GKAP1: variants seen among roughly 807,000 people sequenced by gnomAD.
GKAP1 encodes G kinase-anchoring protein 1.
Under a neutral mutation model 56.7 loss-of-function variants are expected in GKAP1, and 31 were observed. The observed-to-expected ratio is 0.55, with a 90% CI of 0.41 to 0.74. The LOEUF is 0.74. Among genes scored for constraint, GKAP1 ranks in the 30% least tolerant of loss-of-function variants. The pLI is 0.00. For missense variants in GKAP1, 364 were observed against 402.3 expected, an observed-to-expected ratio of 0.90 and a Z score of 0.82; for synonymous variants, 151 against 138.6, an observed-to-expected ratio of 1.09 and a Z score of -0.63.
chr9:83,755,193 T>G (rs1299223789), intron 8 of GKAP1, among the ~76,000 whole-genome samples: 1 of 152,194 alleles, frequency 6.6e-6, no homozygotes, highest in Non-Finnish European at 1.5e-5. Flanking sequence ...CTATGAAAAG[T>G]GTTCATTGTA....
At chr9:83,810,981 G>T (rs557632743) in intron 2 of GKAP1, among the ~76,000 whole-genome samples, 2 of 152,148 alleles carry the variant, frequency 1.3e-5, no homozygotes, top group Non-Finnish European at 2.9e-5. Flanking sequence ...GGAGGCAACT[G>T]TAACACAATG....
chr9:83,804,033 GAAGT>G (rs1944381798), intron 3 of GKAP1, among the ~76,000 whole-genome samples: 2 of 151,100 alleles, frequency 1.3e-5, no homozygotes, highest in African/African-American at 4.9e-5. Context: ...CCCCGTCTGA[GAAGT>G]AAGGAGCCCC....
intron 5 of GKAP1, among the ~76,000 whole-genome samples, chr9:83,787,203 C>T (rs985562267): frequency 8.6e-5 from 13 of 152,032 alleles, no homozygotes; most frequent in Admixed American, 7.2e-4. Context: ...TTTCCTTTTC[C>T]CTTGAACTAT....
At chr9:83,814,501 T>C (rs1469193213) in intron 2 of GKAP1, among the ~76,000 whole-genome samples, 1 of 152,204 alleles carries the variant, frequency 6.6e-6, no homozygotes, top group Non-Finnish European at 1.5e-5. Context: ...CTTACTATTA[T>C]TGAATGGACT....
intron 6 of GKAP1, among the ~76,000 whole-genome samples, chr9:83,781,734 T>A (rs2131289041): frequency 6.6e-6 from 1 of 152,300 alleles, no homozygotes; most frequent in East Asian, 1.9e-4. Context: ...AATAACATAC[T>A]GATGTTTTTC....
intron 3 of GKAP1, 46 bp from the exon 4 acceptor site, chr9:83,799,374 G>A (rs766951282): frequency 7.6e-7 from 1 of 1,323,344 alleles, no homozygotes; most frequent in Admixed American, 2.5e-5. Flanking sequence ...TACCAATCCT[G>A]GGATACTAAT....
intron 8 of GKAP1, among the ~76,000 whole-genome samples, chr9:83,767,797 G>A (rs1280074484): frequency 1.3e-5 from 2 of 152,068 alleles, no homozygotes; most frequent in African/African-American, 2.4e-5. Context: ...AGCAATTCTC[G>A]TGTCTCAGCC....
intron 4 of GKAP1, among the ~76,000 whole-genome samples, chr9:83,793,619 T>G (rs1358142213): frequency 1.3e-5 from 2 of 152,156 alleles, no homozygotes; most frequent in Non-Finnish European, 2.9e-5. Flanking sequence ...AAATGGTTCA[T>G]GAGTCACAAA....
chr9:83,775,144 C>T (rs1943836219), intron 7 of GKAP1, among the ~76,000 whole-genome samples: 1 of 152,070 alleles, frequency 6.6e-6, no homozygotes, highest in Admixed American at 6.6e-5. Flanking sequence ...GCTGGGACTA[C>T]AGGTGTGCAC....
At chr9:83,774,221 C>T (rs1197151099) in intron 7 of GKAP1, among the ~76,000 whole-genome samples, 1 of 151,970 alleles carries the variant, frequency 6.6e-6, no homozygotes, top group Non-Finnish European at 1.5e-5. Context: ...AAATGTAAGA[C>T]CTAAAACTAC....
At chr9:83,747,790 C>A (rs1019938298) in intron 10 of GKAP1, among the ~76,000 whole-genome samples, 7 of 152,020 alleles carry the variant, frequency 4.6e-5, no homozygotes, top group African/African-American at 1.2e-4. Flanking sequence ...GTGTGCACTA[C>A]CACACCTGGC....
At chr9:83,795,593 T>TA (rs1369381399) in intron 4 of GKAP1, among the ~76,000 whole-genome samples, 1 of 143,184 alleles carries the variant, frequency 7.0e-6, no homozygotes, top group Non-Finnish European at 1.6e-5. Context: ...AGTGTCTTTT[T>TA]TTTTTTTTTT....
At position 83,798,364 on chromosome 9, in the gene GKAP1, T is replaced by C. The variant is rs28627139; in HGVS notation, c.360+821A>G. On this transcript the variant is annotated intron_variant, in intron 4 of 12. Coordinates refer to ENST00000376371, the MANE Select transcript of GKAP1 (RefSeq NM_025211.4). ...GGACTCCACACACAAAAAAGATATG[T>C]ATTCGTCTTAATGAGTTATCTATTT... Among the ~76,000 whole-genome samples, 1,208 of 152,332 alleles carry C rather than the reference T, an allele frequency of 7.9e-3. 31 individuals carry two copies. The highest frequency in any genetic ancestry group is 0.036 in the East Asian group (189 of 5,184).
At position 83,817,434 on chromosome 9, in the gene GKAP1, G is replaced by A. The variant is rs1282263493; in HGVS notation, c.-176+83C>T. The stretch of plus-strand genomic sequence containing the variant: ...CCGCCACCCGAGGCCGGGGCGCCGA[G>A]GGGAGCGCTGTCGAGCCGCTGCCTA... On this transcript the variant is annotated intron_variant, in intron 1 of 12. Coordinates refer to ENST00000376371, the MANE Select transcript of GKAP1 (RefSeq NM_025211.4). 4 of 151,808 alleles carry A rather than the reference G, an allele frequency of 2.6e-5. No homozygotes were observed. The South Asian group carries it at 6.2e-4, about 24-fold the overall frequency. 9.4% of individuals were successfully genotyped at this position (151,808 alleles called of 1,614,324 possible). A position where few individuals can be genotyped will look rare whatever the true frequency, so the allele number is the denominator to read the frequency against.
At chr9:83,741,774 T>A (rs1943212980) in intron 12 of GKAP1, among the ~76,000 whole-genome samples, 178 bp downstream of exon 12, 2 of 152,162 alleles carry the variant, frequency 1.3e-5, no homozygotes, top group South Asian at 4.1e-4. Context: ...TTGCTGTATA[T>A]ACCAATGTCT....
chr9:83,807,787 G>A (rs1944458948), intron 2 of GKAP1, among the ~76,000 whole-genome samples: 1 of 152,096 alleles, frequency 6.6e-6, no homozygotes, highest in Admixed American at 6.6e-5. Context: ...TATCACACAG[G>A]TCCACCCTAT....
Position 83,739,711 on chromosome 9 carries a change from C to T in GKAP1, c.1087G>A (p.Asp363Asn), listed in dbSNP as rs554092166. Residue 363 changes from aspartate (D) to asparagine (N), a missense_variant, in exon 13 of 13, where the codon GAC becomes AAC. Transcript: ENST00000376371. ...GRKGKRNSES[D>N]QCR Reference sequence around the variant, plus strand: ...GGCTAATGTAATCACCTACACTGGTCGGATTCAGAGTTTCTTTTCCCTTTT... The same window carrying T: ...GGCTAATGTAATCACCTACACTGGTTGGATTCAGAGTTTCTTTTCCCTTTT... 6.2e-6 allele frequency: 10 copies of T among 1,607,906 alleles called. No homozygotes were observed. The highest frequency in any genetic ancestry group is 2.2e-5 in the East Asian group (1 of 44,698).
In GKAP1 at chr9:83,768,583, T is replaced by C. The variant is rs142874009; in HGVS notation, c.738+235A>G. Among the ~76,000 whole-genome samples the C allele has an allele frequency of 7.3e-3, 1,119 of 152,306 alleles. 28 individuals are homozygous for C. Among genetic ancestry groups the C allele is most frequent in the Non-Finnish European group, 7.2e-3 (487 of 68,020 alleles). On this transcript the variant is annotated intron_variant, in intron 8 of 12. Transcript: ENST00000376371. ...ACTCCCTCATACGAGTGCCTAACAG[T>C]ACATAGCTTATGGCACATGCTCAGC...
chr9:83,793,550 G>A (rs1297336194), intron 4 of GKAP1, among the ~76,000 whole-genome samples: 1 of 152,134 alleles, frequency 6.6e-6, no homozygotes, highest in Non-Finnish European at 1.5e-5. Context: ...TCTGAGTGCT[G>A]TTTGCATTTA....
Sources: allele counts gnomAD v4.1 joint callset (sites outside exome capture counted in the v4.1 genomes callset), GRCh38; gene constraint gnomAD v4.1.1; transcripts MANE v1.5; gene names NCBI Gene and HGNC (gene_info 2026-07-23, HGNC 2026-07-21).